ICOS: variants seen among roughly 807,000 people sequenced by gnomAD.
ICOS encodes inducible T-cell costimulator.
In ICOS, 15 loss-of-function variants were observed where a neutral mutation model predicts 24.6. That is an observed-to-expected ratio of 0.61 (90% CI 0.41 to 0.94). The LOEUF (loss-of-function observed/expected upper bound fraction) is 0.94, where lower values mean the gene tolerates loss of function less well. Among genes scored for constraint, ICOS ranks in the 40% least tolerant of loss-of-function variants. ICOS has a pLI of 0.00. For missense variants in ICOS, 200 were observed against 233.0 expected (o/e 0.86, Z 0.92); for synonymous variants, 89 against 77.5 (o/e 1.15, Z -0.78).
At chr2:203,952,436 A>T (rs1690001967) in intron 1 of ICOS, among the ~76,000 whole-genome samples, 1 of 152,168 alleles carries the variant, frequency 6.6e-6, no homozygotes, top group Admixed American at 6.5e-5. Flanking sequence ...AAACAGTCTA[A>T]TAGTTGCTCC....
chr2:203,942,165 A>AT (rs545733882), intron 1 of ICOS, among the ~76,000 whole-genome samples: 73 of 152,102 alleles, frequency 4.8e-4, no homozygotes, highest in African/African-American at 1.7e-3. Flanking sequence ...TGATAAATAG[A>AT]TTTTTTTTAC....
intron 1 of ICOS, among the ~76,000 whole-genome samples, chr2:203,944,017 T>C (rs1345816011): frequency 1.3e-5 from 2 of 152,112 alleles, no homozygotes; most frequent in Non-Finnish European, 2.9e-5. Flanking sequence ...CCCAAGTCTG[T>C]TTCCAGGCAA....
intron 1 of ICOS, 61 bp downstream of exon 1, chr2:203,936,933 C>G: frequency 7.5e-7 from 1 of 1,328,556 alleles, no homozygotes; most frequent in Middle Eastern, 1.8e-4. Flanking sequence ...TAAGAAAAAG[C>G]AAAGGTAGAA....
At chr2:203,946,074 T>A (rs890516935) in intron 1 of ICOS, among the ~76,000 whole-genome samples, 1 of 151,950 alleles carries the variant, frequency 6.6e-6, no homozygotes, top group African/African-American at 2.4e-5. Context: ...TGGAAGAGAG[T>A]TGGGTTCATT....
intron 1 of ICOS, among the ~76,000 whole-genome samples, chr2:203,953,375 T>G (rs1324723844): frequency 6.6e-6 from 1 of 152,338 alleles, no homozygotes; most frequent in African/African-American, 2.4e-5. Flanking sequence ...TTAATGCTTT[T>G]AATAATATTT....
chr2:203,947,512 T>C (rs993801874), intron 1 of ICOS, among the ~76,000 whole-genome samples: 1 of 152,072 alleles, frequency 6.6e-6, no homozygotes, highest in Non-Finnish European at 1.5e-5. Flanking sequence ...TTTCACCATG[T>C]TGGCCAGGAT....
At chr2:203,939,820 C>T (rs972986585) in intron 1 of ICOS, among the ~76,000 whole-genome samples, 11 of 152,186 alleles carry the variant, frequency 7.2e-5, no homozygotes, top group Admixed American at 2.6e-4. Flanking sequence ...CATCTCCTGA[C>T]AGCACCCCCT....
At position 203,961,555 on chromosome 2, in the gene ICOS, A is replaced by T. The variant is rs1690178983; in HGVS notation, c.*1956A>T. On this transcript the variant is annotated 3_prime_UTR_variant, in exon 5 of 5. Coordinates refer to ENST00000316386, the MANE Select transcript of ICOS (RefSeq NM_012092.4). ...AGTAGTAAGAAGGCAAAGAATAAAC[A>T]TTTGATATTCAGCAACTGAAAATAC... 6.6e-6 allele frequency: 1 copy of T among 152,150 alleles called. No homozygotes were observed. The highest frequency in any genetic ancestry group is 2.4e-5 in the African/African-American group (1 of 41,380). The allele number at this position is 152,150 out of a possible 1,614,324, so 9.4% of individuals were successfully genotyped here.
At chr2:203,958,512 T>A (rs550645958) in intron 4 of ICOS, among the ~76,000 whole-genome samples, 21 of 152,286 alleles carry the variant, frequency 1.4e-4, no homozygotes, top group South Asian at 1.2e-3. Context: ...CCCAGAAAGT[T>A]TGAAGCTTCC....
rs555157948 is a variant in ICOS, at chr2:203,955,826, C to T, written c.249C>T (p.Cys83=). 14 of 1,613,764 alleles carry T rather than the reference C, an allele frequency of 8.7e-6. No individual in the cohort carries two copies. The South Asian group carries it at 1.5e-4, about 18-fold the overall frequency. Residue 83 remains cysteine, a synonymous_variant, in exon 2 of 5, where the codon TGC becomes TGT. Transcript: ENST00000316386. ...TGTCCATTAAGAGTCTGAAATTCTG[C>T]CATTCTCAGTTATCCAACAACAGTG... is the stretch of plus-strand genomic sequence containing the variant. ...NTVSIKSLKF[C]HSQLSNNSVS...
At chr2:203,951,932 GT>G (rs961166413) in intron 1 of ICOS, among the ~76,000 whole-genome samples, 6 of 151,302 alleles carry the variant, frequency 4.0e-5, no homozygotes, top group African/African-American at 1.2e-4. Flanking sequence ...CATGCCAACA[GT>G]TTTTTTTTCT....
intron 1 of ICOS, among the ~76,000 whole-genome samples, chr2:203,951,779 C>T (rs1348996847): frequency 2.0e-5 from 3 of 152,132 alleles, no homozygotes; most frequent in Non-Finnish European, 4.4e-5. Context: ...ACTGAGAACC[C>T]GTCCACTGAT....
chr2:203,957,109 A>T (rs1274748809), intron 3 of ICOS, among the ~76,000 whole-genome samples: 1 of 152,194 alleles, frequency 6.6e-6, no homozygotes, highest in Non-Finnish European at 1.5e-5. Context: ...TTTTTAAAAA[A>T]TTATTATGCA....
chr2:203,950,321 A>G (rs1689947250), intron 1 of ICOS, among the ~76,000 whole-genome samples: 1 of 152,148 alleles, frequency 6.6e-6, no homozygotes. Context: ...TTCTTGAGAG[A>G]CAGCCAATCT....
intron 1 of ICOS, among the ~76,000 whole-genome samples, chr2:203,954,558 T>A (rs1055206695): frequency 2.0e-5 from 3 of 151,840 alleles, no homozygotes; most frequent in African/African-American, 4.8e-5. Flanking sequence ...CACTGCACTG[T>A]AGCCTGGGGA....
intron 1 of ICOS, among the ~76,000 whole-genome samples, chr2:203,945,304 T>C (rs1689848799): frequency 6.6e-6 from 1 of 152,086 alleles, no homozygotes; most frequent in South Asian, 2.1e-4. Flanking sequence ...GAGATATTCA[T>C]GAGCTGGAGT....
chr2:203,959,594 C>T lies in ICOS; in HGVS notation c.595C>T (p.Leu199=), dbSNP rs2105756991. 3 of 1,613,130 alleles carry T rather than the reference C, an allele frequency of 1.9e-6. No individual in the cohort carries two copies. Among genetic ancestry groups the T allele is most frequent in the Non-Finnish European group, 2.5e-6 (3 of 1,179,262 alleles). Residue 199 remains leucine, a synonymous_variant, in exon 5 of 5, where the codon CTA becomes TTA. Coordinates refer to ENST00000316386, the MANE Select transcript of ICOS (RefSeq NM_012092.4). ...AKKSRLTDVT[L] ...CTGAATTTTTGTTACAGATGTGACC[C>T]TATAATATGGAACTCTGGCACCCAG...
chr2:203,949,836 A>G (rs1354844360), intron 1 of ICOS, among the ~76,000 whole-genome samples: 3 of 152,162 alleles, frequency 2.0e-5, no homozygotes, highest in African/African-American at 4.8e-5. Context: ...CACTATCTAT[A>G]AAAGTGGTGC....
rs548244508 is a variant in ICOS at position 203,952,125 on chromosome 2, G to A, written c.59-3511G>A. 6.6e-5 allele frequency among the ~76,000 whole-genome samples: 10 copies of A among 152,094 alleles called. 1 individual carries two copies. In the South Asian group the frequency reaches 1.9e-3, roughly 28 times the overall value. On this transcript the variant is annotated intron_variant, in intron 1 of 4. Coordinates refer to ENST00000316386, the MANE Select transcript of ICOS (RefSeq NM_012092.4). Reference sequence around the variant, plus strand: ...TATCTTACCCTCATAATCACCACAGGTCAAGAAATACAAGACTGTCAGCAC... The same window carrying A: ...TATCTTACCCTCATAATCACCACAGATCAAGAAATACAAGACTGTCAGCAC...
Sources: allele counts gnomAD v4.1 joint callset (sites outside exome capture counted in the v4.1 genomes callset), GRCh38; gene constraint gnomAD v4.1.1; transcripts MANE v1.5; gene names NCBI Gene and HGNC (gene_info 2026-07-23, HGNC 2026-07-21).